Variants in LMO7 observed in about 807,000 individuals in gnomAD.
LMO7 encodes LIM domain 7.
A neutral mutation model predicts 206.5 loss-of-function variants in LMO7; 120 were observed. The ratio of observed to expected loss-of-function variants is 0.58; its 90% CI spans 0.50 to 0.68. LMO7 has a LOEUF of 0.68. LMO7 is among the 30% of genes least tolerant of loss of function. LMO7 has a pLI of 0.00. For missense variants in LMO7, 1,959 were observed against 1,957.9 expected (o/e 1.00, Z -0.01); for synonymous variants, 706 against 681.5 (o/e 1.04, Z -0.56).
chr13:75,807,344 A>G (rs2055671207), intron 9 of LMO7, 136 bp from the exon 10 acceptor site: 4 of 822,472 alleles, frequency 4.9e-6, no homozygotes, highest in Non-Finnish European at 7.5e-6. Flanking sequence ...AGTCCCCACA[A>G]TGGTCCTCTA....
rs12583362 is a variant in LMO7 at position 75,670,063 on chromosome 13, C to T, written c.69+33337C>T. ...ATAGGCCCTTATAACAGAGAAAGGC[C>T]CTAAACTTTGTGCAGGAGTTGCAGG... On this transcript the variant is annotated intron_variant, in intron 1 of 30. Coordinates refer to ENST00000377534, the MANE Select transcript of LMO7 (RefSeq NM_001306080.2). Among the ~76,000 whole-genome samples, 4 of 152,086 alleles carry T rather than the reference C, an allele frequency of 2.6e-5. No individual in the cohort carries two copies. In the East Asian group the frequency reaches 7.7e-4, roughly 29 times the overall value.
chr13:75,739,649 C>T (rs989889588), intron 3 of LMO7, among the ~76,000 whole-genome samples: 1 of 152,182 alleles, frequency 6.6e-6, no homozygotes, highest in Admixed American at 6.5e-5. Context: ...ACACACTTCC[C>T]CTCACTCTCC....
At chr13:75,827,822 G>A (rs947731644) in intron 15 of LMO7, among the ~76,000 whole-genome samples, 2 of 152,164 alleles carry the variant, frequency 1.3e-5, no homozygotes, top group African/African-American at 4.8e-5. Flanking sequence ...ACCCCCAAAC[G>A]GGATGACACG....
chr13:75,780,316 A>G, intron 4 of LMO7, among the ~76,000 whole-genome samples: 1 of 152,180 alleles, frequency 6.6e-6, no homozygotes, highest in South Asian at 2.1e-4. Flanking sequence ...CATAAGACAG[A>G]CACTCCCAGA....
At position 75,698,709 on chromosome 13, in the gene LMO7, G is replaced by A. The variant is rs115186926; in HGVS notation, c.70-14473G>A. Among the ~76,000 whole-genome samples the A allele has an allele frequency of 4.5e-3, 679 of 151,634 alleles. 5 individuals carry two copies. The highest frequency in any genetic ancestry group is 0.016 in the African/African-American group (650 of 41,302). Reference sequence around the variant, plus strand: ...TTGTATATGGGGCATGAGATGGTGCGAAAGGTCTTTGTAACTATCTTTTAA... The same window carrying A: ...TTGTATATGGGGCATGAGATGGTGCAAAAGGTCTTTGTAACTATCTTTTAA... On this transcript the variant is annotated intron_variant, in intron 1 of 30. Coordinates refer to ENST00000377534, the MANE Select transcript of LMO7 (RefSeq NM_001306080.2).
At chr13:75,669,844 A>G (rs1201241964) in intron 1 of LMO7, among the ~76,000 whole-genome samples, 5 of 152,154 alleles carry the variant, frequency 3.3e-5, no homozygotes, top group African/African-American at 1.2e-4. Context: ...TGCACATTGT[A>G]AAGACTTAAT....
At chr13:75,770,944 C>T (rs999428775) in intron 4 of LMO7, among the ~76,000 whole-genome samples, 9 of 152,056 alleles carry the variant, frequency 5.9e-5, no homozygotes, top group Admixed American at 1.3e-4. Context: ...GCTTGTGCTT[C>T]TCCCAGTATG....
intron 3 of LMO7, among the ~76,000 whole-genome samples, chr13:75,732,684 G>C (rs1466835832): frequency 6.6e-6 from 1 of 152,180 alleles, no homozygotes; most frequent in Non-Finnish European, 1.5e-5. Context: ...GCGTTTCTTT[G>C]GAGGAGGAGA....
chr13:75,625,765 GT>G (rs2033973463), intron 2 of LMO7, among the ~76,000 whole-genome samples: 1 of 152,218 alleles, frequency 6.6e-6, no homozygotes, highest in Non-Finnish European at 1.5e-5. Context: ...ATCATCTGGT[GT>G]TGTTCATGAT....
intron 4 of LMO7, among the ~76,000 whole-genome samples, chr13:75,777,414 G>A (rs1459817200): frequency 2.6e-5 from 4 of 151,980 alleles, no homozygotes; most frequent in African/African-American, 7.3e-5. Context: ...TCCCAGCCAC[G>A]GTATATTTTT....
chr13:75,636,541 G>C lies in LMO7; in HGVS notation c.-117G>C. ...GCCCCGGCGCCTTCGCAGCCGGAGCGGAAGCCGGAGTTGTGGGAGGCCCGC... is the reference window on the plus strand; with the variant it reads ...GCCCCGGCGCCTTCGCAGCCGGAGCCGAAGCCGGAGTTGTGGGAGGCCCGC... On this transcript the variant is annotated 5_prime_UTR_variant, in exon 1 of 31. Transcript: ENST00000377534. 1 of 1,522,540 alleles carries C rather than the reference G, an allele frequency of 6.6e-7. No individual in the cohort carries two copies. Among genetic ancestry groups the C allele is most frequent in the Non-Finnish European group, 8.8e-7 (1 of 1,142,308 alleles). 94.3% of individuals were successfully genotyped at this position (1,522,540 alleles called of 1,614,324 possible). A position where few individuals can be genotyped will look rare whatever the true frequency, so the allele number is the denominator to read the frequency against.
intron 27 of LMO7, among the ~76,000 whole-genome samples, chr13:75,850,158 C>T (rs962879579): frequency 1.3e-5 from 2 of 151,922 alleles, no homozygotes; most frequent in Non-Finnish European, 1.5e-5. Context: ...ACAGATAGTT[C>T]GTAGGAAAAA....
intron 4 of LMO7, among the ~76,000 whole-genome samples, chr13:75,761,722 A>C (rs536320447): frequency 3.9e-5 from 6 of 152,140 alleles, no homozygotes; most frequent in African/African-American, 1.4e-4. Flanking sequence ...TATATTTCCT[A>C]TAAATCTAAT....
chr13:75,839,061 A>T (rs541187633), intron 20 of LMO7, among the ~76,000 whole-genome samples: 145 of 152,310 alleles, frequency 9.5e-4, no homozygotes, highest in Middle Eastern at 3.4e-3. Flanking sequence ...TGTGTTAATC[A>T]CCTAATATCA....
At chr13:75,734,191 G>C (rs533779489) in intron 3 of LMO7, among the ~76,000 whole-genome samples, 53 of 152,226 alleles carry the variant, frequency 3.5e-4, no homozygotes, top group African/African-American at 1.2e-3. Context: ...TTTCAAATCA[G>C]GATTTTGTGT....
chr13:75,728,665 A>T lies in LMO7; in HGVS notation c.210+1567A>T, dbSNP rs1266122407. On this transcript the variant is annotated intron_variant, in intron 3 of 30. Coordinates refer to ENST00000377534, the MANE Select transcript of LMO7 (RefSeq NM_001306080.2). The stretch of plus-strand genomic sequence containing the variant: ...TTTGTCAATTTTGGCTTTTGTTGCC[A>T]TTGCTTTTTGTGTTTTAGACATGAA... 2.2e-5 allele frequency among the ~76,000 whole-genome samples: 3 copies of T among 138,412 alleles called. No homozygotes were observed. The East Asian group carries it at 6.3e-4, about 29-fold the overall frequency. 90.8% of individuals were successfully genotyped at this position (138,412 alleles called of 152,430 possible).
At chr13:75,767,051 A>T (rs759479047) in intron 4 of LMO7, among the ~76,000 whole-genome samples, 70 of 152,256 alleles carry the variant, frequency 4.6e-4, no homozygotes, top group Non-Finnish European at 9.0e-4. Flanking sequence ...ATATTACAAG[A>T]TAATCTAAAA....
At chr13:75,687,696 C>T (rs1316656907) in intron 1 of LMO7, among the ~76,000 whole-genome samples, 1 of 151,974 alleles carries the variant, frequency 6.6e-6, no homozygotes, top group African/African-American at 2.4e-5. Flanking sequence ...TCTACTGTCT[C>T]CCACTAAAGA....
At chr13:75,791,403 A>G (rs911994745) in intron 4 of LMO7, among the ~76,000 whole-genome samples, 13 of 152,186 alleles carry the variant, frequency 8.5e-5, no homozygotes, top group African/African-American at 1.2e-4. Flanking sequence ...GTTCTCTGAC[A>G]TTGTATGAGT....
Sources: gnomAD v4.1 joint callset for allele counts (sites outside exome capture counted in the v4.1 genomes callset) on GRCh38, gnomAD v4.1.1 for gene constraint, MANE v1.5 for transcripts, NCBI Gene and HGNC (gene_info 2026-07-23, HGNC 2026-07-21) for gene names.